DOCK5: variants seen among roughly 807,000 people sequenced by gnomAD.
DOCK5 encodes the protein dedicator of cytokinesis 5.
Under a neutral mutation model 251.8 loss-of-function variants are expected in DOCK5, and 142 were observed. The observed-to-expected ratio is 0.56, with a 90% CI of 0.49 to 0.65. DOCK5 has a LOEUF of 0.65. Ranked by LOEUF, DOCK5 falls within the 30% of genes least tolerant of loss-of-function variation. The probability of loss-of-function intolerance (pLI) is 0.00; values close to 1 mark genes in which losing one functional copy is unlikely to be tolerated. For missense variants in DOCK5, 2,111 were observed against 2,312.3 expected (o/e 0.91, Z 1.79); for synonymous variants, 842 against 835.5 (o/e 1.01, Z -0.13).
chr8:25,290,574 T>C (rs1804459145), intron 5 of DOCK5, among the ~76,000 whole-genome samples: 1 of 152,242 alleles, frequency 6.6e-6, no homozygotes, highest in African/African-American at 2.4e-5. Context: ...GGTCTAACAA[T>C]TGGGGAAATG....
chr8:25,383,231 C>T (rs1012669817), intron 40 of DOCK5, among the ~76,000 whole-genome samples: 4 of 152,130 alleles, frequency 2.6e-5, no homozygotes, highest in East Asian at 1.9e-4. Flanking sequence ...GTGTATAATG[C>T]GATATTCAAT....
chr8:25,369,659 GA>G lies in DOCK5; in HGVS notation c.3524+21del. ...GAAAAACTGTGAGTATTTCAGGAAC[GA>G]AACCTGAAGTCAGTGGTGTCATTTA... On this transcript the variant is annotated intron_variant, in intron 34 of 51. Coordinates refer to ENST00000276440, the MANE Select transcript of DOCK5 (RefSeq NM_024940.8). 1 of 1,586,522 alleles carries G rather than the reference GA, an allele frequency of 6.3e-7. No individual in the cohort carries two copies. The highest frequency in any genetic ancestry group is 8.6e-7 in the Non-Finnish European group (1 of 1,164,116).
chr8:25,280,406 A>C (rs2956663), intron 5 of DOCK5, among the ~76,000 whole-genome samples: 151,812 of 152,290 alleles, frequency 1, 75,667 homozygotes, highest in Middle Eastern at 1. Context: ...ATCAAAAGCT[A>C]ATTTTGGCAT....
At chr8:25,372,997 G>A (rs548083290) in intron 35 of DOCK5, among the ~76,000 whole-genome samples, 11 of 135,038 alleles carry the variant, frequency 8.1e-5, no homozygotes, top group African/African-American at 3.0e-4. Context: ...GATAAGTTTT[G>A]GGGATTTTTT....
At chr8:25,278,474 A>G (rs1724365972) in intron 4 of DOCK5, 95 bp from the exon 5 acceptor site, 3 of 1,244,518 alleles carry the variant, frequency 2.4e-6, no homozygotes, top group Non-Finnish European at 3.5e-6. Context: ...AACCAGCTTC[A>G]TTCTCAACCT....
intron 1 of DOCK5, among the ~76,000 whole-genome samples, chr8:25,186,613 A>G (rs958632497): frequency 4.6e-5 from 7 of 152,122 alleles, no homozygotes; most frequent in Non-Finnish European, 7.4e-5. Context: ...TCCTGACCTC[A>G]GGTGATCCGC....
rs763184343 is a variant in DOCK5, at chr8:25,347,405, A to G, written c.2754+1794A>G. 3.4e-4 allele frequency among the ~76,000 whole-genome samples: 52 copies of G among 151,888 alleles called. 1 individual carries two copies. Among genetic ancestry groups the G allele is most frequent in the Non-Finnish European group, 5.3e-4 (36 of 67,948 alleles). ...TTATAGATCATTCCCCCTTTTTTTC[A>G]TTAAGTATGTTTATAGAAACCACAT... On this transcript the variant is annotated intron_variant, in intron 26 of 51. Coordinates refer to ENST00000276440, the MANE Select transcript of DOCK5 (RefSeq NM_024940.8).
In DOCK5 at chr8:25,395,592, A is replaced by G. The variant is rs1243807955; in HGVS notation, c.4577A>G (p.Asn1526Ser). ...GCCATCGAAACCATGGAGCTGACCAACGAGAGGATCAGCAACTGTGTTCAG... is the reference window on the plus strand; with the variant it reads ...GCCATCGAAACCATGGAGCTGACCAGCGAGAGGATCAGCAACTGTGTTCAG... ...ENAIETMELT[N>S]ERISNCVQQH... The change falls in exon 45 of 52, where the codon AAC becomes AGC. Residue 1526 changes from asparagine to serine, a missense_variant. Physicochemically the swap from Asn to Ser is conservative, Grantham distance 46. Coordinates refer to ENST00000276440, the MANE Select transcript of DOCK5 (RefSeq NM_024940.8). 1.2e-6 allele frequency: 2 copies of G among 1,613,466 alleles called. No individual in the cohort carries two copies. The highest frequency in any genetic ancestry group is 2.2e-5 in the South Asian group (2 of 91,048).
At chr8:25,362,942 T>C in intron 28 of DOCK5, 105 bp from the exon 29 acceptor site, 1 of 796,364 alleles carries the variant, frequency 1.3e-6, no homozygotes, top group Non-Finnish European at 2.1e-6. Flanking sequence ...ACTGTGGGGC[T>C]AGGAACATCC....
intron 30 of DOCK5, among the ~76,000 whole-genome samples, chr8:25,366,110 A>G (rs1800769502): frequency 6.6e-6 from 1 of 152,226 alleles, no homozygotes; most frequent in Non-Finnish European, 1.5e-5. Flanking sequence ...ATTTAACCAA[A>G]TTCTTCTTAC....
chr8:25,336,636 A>T, intron 22 of DOCK5, among the ~76,000 whole-genome samples: 1 of 152,232 alleles, frequency 6.6e-6, no homozygotes, highest in South Asian at 2.1e-4. Flanking sequence ...GATTGTACCT[A>T]ATACAGCAGA....
chr8:25,399,172 C>G (rs1801395694), intron 45 of DOCK5, among the ~76,000 whole-genome samples: 1 of 152,184 alleles, frequency 6.6e-6, no homozygotes, highest in Non-Finnish European at 1.5e-5. Context: ...TTCTATTTCT[C>G]TTTCCTGATG....
chr8:25,217,267 A>G (rs1344404464), intron 1 of DOCK5, among the ~76,000 whole-genome samples: 2 of 151,160 alleles, frequency 1.3e-5, no homozygotes, highest in African/African-American at 4.9e-5. Flanking sequence ...TATACTATAT[A>G]TGCATATATA....
At chr8:25,392,086 G>A (rs766813715) in intron 43 of DOCK5, 106 bp downstream of exon 43, 98 of 1,022,844 alleles carry the variant, frequency 9.6e-5, no homozygotes, top group Admixed American at 3.7e-4. Flanking sequence ...GGCGGATCAC[G>A]AAGTCAAGAG....
intron 45 of DOCK5, among the ~76,000 whole-genome samples, chr8:25,398,820 G>T (rs1253713647): frequency 6.6e-6 from 1 of 152,186 alleles, no homozygotes; most frequent in African/African-American, 2.4e-5. Context: ...CAACAGCCTT[G>T]CTTCCAAATA....
chr8:25,223,032 G>A (rs765629083), intron 1 of DOCK5, among the ~76,000 whole-genome samples: 8 of 152,052 alleles, frequency 5.3e-5, no homozygotes, highest in Non-Finnish European at 1.2e-4. Flanking sequence ...ATCCATCCTT[G>A]CTTGAGCCCA....
intron 18 of DOCK5, among the ~76,000 whole-genome samples, chr8:25,331,230 GACACACACACACACAC>G (rs60869427): frequency 2.1e-5 from 3 of 140,264 alleles, no homozygotes; most frequent in African/African-American, 7.9e-5. Flanking sequence ...GTTTCTCTGT[GACACACACACACACAC>G]ACACACACAC....
intron 8 of DOCK5, among the ~76,000 whole-genome samples, 168 bp from the exon 9 acceptor site, chr8:25,300,408 C>T (rs1024718959): frequency 5.9e-5 from 9 of 152,184 alleles, no homozygotes; most frequent in African/African-American, 2.2e-4. Context: ...CAGCAGTGGC[C>T]ATCTGTGTGG....
intron 13 of DOCK5, among the ~76,000 whole-genome samples, chr8:25,311,345 C>T (rs1034417799): frequency 6.6e-6 from 1 of 151,094 alleles, no homozygotes; most frequent in African/African-American, 2.4e-5. Context: ...AGATCGAGAC[C>T]ATCCTGGCAA....
Sources: gnomAD v4.1 joint callset for allele counts (sites outside exome capture counted in the v4.1 genomes callset) on GRCh38, gnomAD v4.1.1 for gene constraint, MANE v1.5 for transcripts, NCBI Gene and HGNC (gene_info 2026-07-23, HGNC 2026-07-21) for gene names.